ACOT11: variants seen among roughly 807,000 people sequenced by gnomAD.
The protein encoded by ACOT11 is acyl-CoA thioesterase 11.
ACOT11 carries 69 observed loss-of-function variants against 77.5 expected under a neutral mutation model. The ratio of observed to expected loss-of-function variants is 0.89; its 90% CI spans 0.73 to 1.09. The LOEUF is 1.09. ACOT11 is among the 50% of genes least tolerant of loss of function. The pLI is 0.00. For missense variants in ACOT11, 766 were observed against 813.7 expected, an observed-to-expected ratio of 0.94 and a Z score of 0.71; for synonymous variants, 279 against 313.0, an observed-to-expected ratio of 0.89 and a Z score of 1.15.
chr1:54,568,256 G>GT (rs1209908580), intron 1 of ACOT11, among the ~76,000 whole-genome samples: 5 of 151,026 alleles, frequency 3.3e-5, no homozygotes, highest in African/African-American at 1.2e-4. Context: ...GTTACATCCC[G>GT]TTTTTTCTTT....
intron 13 of ACOT11, 98 bp downstream of exon 13, chr1:54,605,307 C>T: frequency 4.1e-6 from 6 of 1,462,824 alleles, no homozygotes; most frequent in Non-Finnish European, 5.4e-6. Context: ...ATGCTCTGCC[C>T]TGCTGGGGCT....
intron 4 of ACOT11, among the ~76,000 whole-genome samples, chr1:54,593,517 T>A (rs1654787279): frequency 6.6e-6 from 1 of 151,054 alleles, no homozygotes; most frequent in Admixed American, 6.6e-5. Flanking sequence ...CCTGGCTTGT[T>A]TTGAACTCCT....
chr1:54,609,260 CT>C lies in ACOT11; in HGVS notation c.*149del. 6.2e-7 allele frequency: 1 copy of C among 1,600,424 alleles called. No individual in the cohort carries two copies. Among genetic ancestry groups the C allele is most frequent in the Non-Finnish European group, 8.5e-7 (1 of 1,171,230 alleles). On this transcript the variant is annotated 3_prime_UTR_variant, in exon 16 of 16. Transcript: ENST00000343744. The stretch of plus-strand genomic sequence containing the variant: ...CCTGAGGTCCGCTGGCCCACCACCC[CT>C]GGGTGCTCAGTTTCTACCAACATGA...
downstream of ACOT11, chr1:54,610,681 T>G (rs1644108623): frequency 9.1e-6 from 13 of 1,433,802 alleles, no homozygotes; most frequent in Admixed American, 2.8e-5. Flanking sequence ...CCCTGCCAAG[T>G]AGCTCTCATT....
exon 17 of ACOT11, chr1:54,635,711 G>A (rs1644326761): frequency 6.3e-6 from 1 of 159,608 alleles, no homozygotes. Flanking sequence ...TCTGTTGTTT[G>A]CCTTTGTATA....
At chr1:54,610,881 C>T (rs536948940), downstream of ACOT11, 13 of 985,234 alleles carry the variant, frequency 1.3e-5, no homozygotes, top group African/African-American at 8.7e-5. Flanking sequence ...GGCTTAACTG[C>T]GGCTCTTCTG....
At chr1:54,605,454 A>G (rs1276291801) in intron 13 of ACOT11, among the ~76,000 whole-genome samples, 1 of 152,188 alleles carries the variant, frequency 6.6e-6, no homozygotes, top group Non-Finnish European at 1.5e-5. Flanking sequence ...CAGCTGTGTG[A>G]CATTGGATAA....
At position 54,571,071 on chromosome 1, in the gene ACOT11, C is replaced by CTCTCTCTCTCT. The variant is rs779276330; in HGVS notation, c.34-13583_34-13582insCTCTCTCTCTT. ...ATCCCAATTATGATATTCTCTCTCTCTTTTTTTTTTTTTTTTAAAGAGACA... is the reference window on the plus strand; with the variant it reads ...ATCCCAATTATGATATTCTCTCTCTCTCTCTCTCTCTTTTTTTTTTTTTTTTTAAAGAGACA... On this transcript the variant is annotated intron_variant, in intron 1 of 15. Coordinates refer to ENST00000343744, the MANE Select transcript of ACOT11 (RefSeq NM_147161.4). 6.6e-3 allele frequency among the ~76,000 whole-genome samples: 933 copies of CTCTCTCTCTCT among 141,828 alleles called. 7 individuals carry two copies. The highest frequency in any genetic ancestry group is 0.024 in the African/African-American group (900 of 37,904). The allele number at this position is 141,828 out of a possible 152,430, so 93.0% of individuals were successfully genotyped here.
At chr1:54,624,958 T>A (rs1353443293) in intron 15 of ACOT11, among the ~76,000 whole-genome samples, 1 of 149,460 alleles carries the variant, frequency 6.7e-6, no homozygotes, top group Non-Finnish European at 1.5e-5. Flanking sequence ...GGAGGTGATG[T>A]GGTGAAGGGG....
chr1:54,610,637 AGCT>A, downstream of ACOT11: 1 of 1,549,720 alleles, frequency 6.5e-7, no homozygotes, highest in Non-Finnish European at 8.7e-7. Context: ...CATAGGCCAC[AGCT>A]CTACGGGCAT....
At chr1:54,610,881 C>A (rs536948940), downstream of ACOT11, 6 of 985,352 alleles carry the variant, frequency 6.1e-6, no homozygotes, top group African/African-American at 1.7e-5. Flanking sequence ...GGCTTAACTG[C>A]GGCTCTTCTG....
At chr1:54,587,632 G>A (rs988154144) in intron 3 of ACOT11, among the ~76,000 whole-genome samples, 4 of 122,802 alleles carry the variant, frequency 3.3e-5, no homozygotes, top group African/African-American at 1.2e-4. Context: ...GATGATCTTG[G>A]CTCACTGCAA....
chr1:54,614,149 G>A (rs963671220), downstream of ACOT11, among the ~76,000 whole-genome samples: 1 of 152,216 alleles, frequency 6.6e-6, no homozygotes, highest in Non-Finnish European at 1.5e-5. Flanking sequence ...GCTATGTAAG[G>A]ATGAGATCAA....
chr1:54,568,318 T>C (rs1469372730), intron 1 of ACOT11, among the ~76,000 whole-genome samples: 1 of 151,860 alleles, frequency 6.6e-6, no homozygotes, highest in Non-Finnish European at 1.5e-5. Context: ...TGTCTGTTCA[T>C]GTGAGAAGAC....
chr1:54,566,058 C>G (rs1653719910), intron 1 of ACOT11, among the ~76,000 whole-genome samples: 2 of 152,194 alleles, frequency 1.3e-5, no homozygotes. Context: ...CCAGCAGGGC[C>G]CCCTTCCCTC....
At chr1:54,618,096 T>C (rs1644193834) in intron 15 of ACOT11, among the ~76,000 whole-genome samples, 1 of 152,140 alleles carries the variant, frequency 6.6e-6, no homozygotes, top group South Asian at 2.1e-4. Context: ...ACACGTTGGG[T>C]AGCAAGGCTT....
chr1:54,566,468 A>C (rs1411451452), intron 1 of ACOT11, among the ~76,000 whole-genome samples: 1 of 152,016 alleles, frequency 6.6e-6, no homozygotes, highest in Admixed American at 6.6e-5. Context: ...AAAAAAAAAA[A>C]AAAAAGCCGA....
intron 13 of ACOT11, among the ~76,000 whole-genome samples, chr1:54,606,763 G>A (rs1242155392): frequency 6.6e-6 from 1 of 152,240 alleles, no homozygotes; most frequent in Admixed American, 6.5e-5. Context: ...ACACATCCTT[G>A]TGGTGTCTGC....
chr1:54,609,625 C>G lies in ACOT11; in HGVS notation c.*513C>G. The G allele has an allele frequency of 6.2e-7, 1 of 1,613,716 alleles. No homozygotes were observed. ...CAGTCACGTGGGGGAAGACCTCAGC[C>G]ACAGCTGTAAGCAGCTCTCTGCCAG... On this transcript the variant is annotated 3_prime_UTR_variant, in exon 16 of 16. Coordinates refer to ENST00000343744, the MANE Select transcript of ACOT11 (RefSeq NM_147161.4).
Sources: allele counts gnomAD v4.1 joint callset (sites outside exome capture counted in the v4.1 genomes callset), GRCh38; gene constraint gnomAD v4.1.1; transcripts MANE v1.5; gene names NCBI Gene and HGNC (gene_info 2026-07-23, HGNC 2026-07-21).